Variants in MED13L observed in about 807,000 individuals in gnomAD.
The protein encoded by MED13L is mediator complex subunit 13L.
A neutral mutation model predicts 220.9 loss-of-function variants in MED13L; 7 were observed. The observed-to-expected ratio is 0.03, with a 90% CI of 0.02 to 0.06. The LOEUF is 0.06. Ranked by LOEUF, MED13L falls within the 10% of genes least tolerant of loss-of-function variation. MED13L has a pLI of 1.00. For missense variants in MED13L, 1,965 were observed against 2,760.5 expected (o/e 0.71, Z 6.46); for synonymous variants, 1,011 against 1,015.2 (o/e 1.00, Z 0.08).
chr12:116,275,232 G>A (rs1873713507), intron 1 of MED13L, among the ~76,000 whole-genome samples: 1 of 152,098 alleles, frequency 6.6e-6, no homozygotes, highest in Non-Finnish European at 1.5e-5. Flanking sequence ...ATCTATGGAA[G>A]TCCCTGAACC....
chr12:116,220,305 C>T (rs901802273), intron 2 of MED13L, among the ~76,000 whole-genome samples: 1 of 152,112 alleles, frequency 6.6e-6, no homozygotes, highest in African/African-American at 2.4e-5. Flanking sequence ...AACTCTATTG[C>T]CTCCTACTCG....
intron 1 of MED13L, among the ~76,000 whole-genome samples, chr12:116,241,261 A>T (rs558394035): frequency 6.6e-6 from 1 of 151,346 alleles, no homozygotes; most frequent in Non-Finnish European, 1.5e-5. Flanking sequence ...GCCGAAATTG[A>T]GCCACTGCAC....
At chr12:116,017,702 A>ACCT (rs1399951162) in intron 7 of MED13L, among the ~76,000 whole-genome samples, 5 of 151,832 alleles carry the variant, frequency 3.3e-5, no homozygotes, top group African/African-American at 1.2e-4. Context: ...GGCAACCTCC[A>ACCT]CCTCCAGGGC....
intron 1 of MED13L, among the ~76,000 whole-genome samples, chr12:116,252,801 C>G (rs963987441): frequency 5.3e-5 from 8 of 151,734 alleles, no homozygotes; most frequent in African/African-American, 1.9e-4. Context: ...CTACCAATAT[C>G]AGGAAAAAAA....
chr12:116,081,669 C>A (rs1178557964), intron 4 of MED13L, among the ~76,000 whole-genome samples: 2 of 152,118 alleles, frequency 1.3e-5, no homozygotes, highest in African/African-American at 4.8e-5. Context: ...GAGTTTGAGA[C>A]CAGCCCGGGA....
At chr12:116,139,188 T>C (rs1876839913) in intron 2 of MED13L, among the ~76,000 whole-genome samples, 1 of 152,230 alleles carries the variant, frequency 6.6e-6, no homozygotes, top group South Asian at 2.1e-4. Context: ...TCACAGAGTA[T>C]GCGTCTCAAA....
intron 3 of MED13L, among the ~76,000 whole-genome samples, chr12:116,097,004 T>C (rs1872687540): frequency 6.6e-6 from 1 of 152,208 alleles, no homozygotes; most frequent in African/African-American, 2.4e-5. Context: ...ATTGATGTAT[T>C]TCTAAAACAT....
chr12:116,098,949 A>G (rs1296207978), intron 3 of MED13L, among the ~76,000 whole-genome samples: 1 of 152,334 alleles, frequency 6.6e-6, no homozygotes, highest in East Asian at 1.9e-4. Flanking sequence ...ACATATAAAC[A>G]TATTTCCACT....
At chr12:116,252,733 A>C (rs928810705) in intron 1 of MED13L, among the ~76,000 whole-genome samples, 1 of 152,138 alleles carries the variant, frequency 6.6e-6, no homozygotes, top group South Asian at 2.1e-4. Flanking sequence ...GGTTCTTTAA[A>C]GATTAGTAAA....
intron 2 of MED13L, among the ~76,000 whole-genome samples, chr12:116,147,628 G>A (rs1240298926): frequency 6.6e-6 from 1 of 151,986 alleles, no homozygotes; most frequent in African/African-American, 2.4e-5. Flanking sequence ...AAGACATCTT[G>A]ACAGCACGAT....
At chr12:116,158,814 C>T (rs1024902718) in intron 2 of MED13L, among the ~76,000 whole-genome samples, 3 of 152,132 alleles carry the variant, frequency 2.0e-5, no homozygotes, top group Non-Finnish European at 4.4e-5. Flanking sequence ...TATAACCTTA[C>T]AAGATAGGTA....
At chr12:116,239,238 C>T (rs114183709) in intron 1 of MED13L, among the ~76,000 whole-genome samples, 3 of 152,166 alleles carry the variant, frequency 2.0e-5, no homozygotes, top group East Asian at 1.9e-4. Flanking sequence ...CGCTGAGATA[C>T]GCAAATCTAA....
chr12:115,998,907 A>G (rs1252317672), intron 14 of MED13L, among the ~76,000 whole-genome samples: 1 of 152,232 alleles, frequency 6.6e-6, no homozygotes, highest in Non-Finnish European at 1.5e-5. Context: ...AGAAGAAGAA[A>G]AAACTAAAAA....
chr12:116,119,941 G>A (rs1050663523), intron 2 of MED13L, among the ~76,000 whole-genome samples: 2 of 146,940 alleles, frequency 1.4e-5, no homozygotes, highest in African/African-American at 5.1e-5. Flanking sequence ...AGCATACAGG[G>A]ATCAAATGCT....
chr12:116,185,659 TTTTCTTTTCTTTTCTTTTC>T, intron 2 of MED13L, among the ~76,000 whole-genome samples: 1 of 12,098 alleles, frequency 8.3e-5, no homozygotes, highest in East Asian at 0.024. Flanking sequence ...CATGCTTTTC[TTTTCTTTTCTTTTCTTTTC>T]TTTTCTTTTC....
chr12:115,963,806 AT>A (rs1393884937), intron 29 of MED13L, among the ~76,000 whole-genome samples: 10 of 152,210 alleles, frequency 6.6e-5, no homozygotes, highest in Non-Finnish European at 1.3e-4. Flanking sequence ...AAATACTATA[AT>A]ATATAATAAG....
chr12:115,975,604 A>C lies in MED13L; in HGVS notation c.5499T>G (p.Ser1833=), dbSNP rs374898471. The change falls in exon 24 of 31, where the codon TCT becomes TCG. Residue 1833 remains serine, a synonymous_variant. Transcript: ENST00000281928. ...AAGCCAAAAGCCAGCGCTGGTCGTG[A>C]GACAGACAATAGCCCACGAAGAGCA... ...YNVLFVGYCL[S]HDQRWLLASC... 1.2e-6 allele frequency: 2 copies of C among 1,614,060 alleles called. No individual in the cohort carries two copies. The highest frequency in any genetic ancestry group is 2.7e-5 in the African/African-American group (2 of 74,916).
At chr12:116,008,277 CG>C (rs995258139) in intron 10 of MED13L, 123 bp downstream of exon 10, 1 of 1,321,384 alleles carries the variant, frequency 7.6e-7, no homozygotes, top group Non-Finnish European at 1.0e-6. Flanking sequence ...TTTCCATATC[CG>C]GAGTCAAGAA....
At chr12:116,032,840 T>C (rs1880935948) in intron 4 of MED13L, among the ~76,000 whole-genome samples, 1 of 151,962 alleles carries the variant, frequency 6.6e-6, no homozygotes, top group Non-Finnish European at 1.5e-5. Flanking sequence ...GTTCTTTCTA[T>C]AGATACTGGA....
Sources: allele counts gnomAD v4.1 joint callset (sites outside exome capture counted in the v4.1 genomes callset), GRCh38; gene constraint gnomAD v4.1.1; transcripts MANE v1.5; gene names NCBI Gene and HGNC (gene_info 2026-07-23, HGNC 2026-07-21).